PCDH11X: variants seen among roughly 807,000 people sequenced by gnomAD.
The protein encoded by PCDH11X is protocadherin 11 X-linked.
A neutral mutation model predicts 53.3 loss-of-function variants in PCDH11X; 18 were observed. The observed-to-expected ratio is 0.34, with a 90% CI of 0.23 to 0.50. The LOEUF is 0.50. PCDH11X is among the 20% of genes least tolerant of loss of function. The pLI is 0.98. For missense variants in PCDH11X, 570 were observed against 1,032.4 expected (o/e 0.55, Z 6.14); for synonymous variants, 279 against 393.3 (o/e 0.71, Z 3.44).
chrX:91,983,191 A>G (rs2062170657), intron 6 of PCDH11X: 1 of 846,768 alleles, frequency 1.2e-6, no homozygotes, highest in African/African-American at 2.0e-5. Context: ...CCCCAGTCTT[A>G]GGTAAGAAGG....
At position 91,811,243 on chromosome X, in the gene PCDH11X, G is replaced by T; in HGVS notation, c.-97G>T. 1 of 1,207,288 alleles carries T rather than the reference G, an allele frequency of 8.3e-7. No homozygotes were observed. Among genetic ancestry groups the T allele is most frequent in the Non-Finnish European group, 1.1e-6 (1 of 893,248 alleles). ...TTTATCCCCCACTCAACAGCTGATT[G>T]CAGAGCACTATGAGGACTGAACGAC... On this transcript the variant is annotated 5_prime_UTR_variant, in exon 4 of 11. Transcript: ENST00000682573.
Position 92,009,139 on chromosome X carries a change from T to C in PCDH11X, c.3033+129866T>C, listed in dbSNP as rs1417071026. Among the ~76,000 whole-genome samples the C allele has an allele frequency of 5.3e-5, 6 of 112,431 alleles. No homozygotes were observed. In the Admixed American group the frequency reaches 5.7e-4, roughly 11 times the overall value. On this transcript the variant is annotated intron_variant, in intron 6 of 10. Coordinates refer to ENST00000682573, the MANE Select transcript of PCDH11X (RefSeq NM_032968.5). ...TTTTAGTAACTATATTTGAAATATC[T>C]AAGTTTATTCCCATTATTAAGATTG...
intron 6 of PCDH11X, among the ~76,000 whole-genome samples, chrX:92,036,890 G>A (rs963809301): frequency 4.5e-5 from 5 of 110,825 alleles, no homozygotes; most frequent in Non-Finnish European, 9.4e-5. Context: ...CTCAGATGAA[G>A]ATGAGGAACT....
At chrX:92,302,322 G>A (rs946468811) in intron 8 of PCDH11X, among the ~76,000 whole-genome samples, 4 of 110,898 alleles carry the variant, frequency 3.6e-5, no homozygotes, top group African/African-American at 1.3e-4. Context: ...GAGAAAGGAA[G>A]GCACAGGTCT....
intron 10 of PCDH11X, among the ~76,000 whole-genome samples, chrX:92,574,626 T>G (rs936868819): frequency 9.0e-6 from 1 of 111,550 alleles, no homozygotes; most frequent in African/African-American, 3.3e-5. Flanking sequence ...TGAAATGCCC[T>G]TCAAGTATTT....
chrX:92,577,329 GC>G (rs1923103776), intron 10 of PCDH11X, among the ~76,000 whole-genome samples: 1 of 109,023 alleles, frequency 9.2e-6, no homozygotes, highest in Non-Finnish European at 1.9e-5. Context: ...TAGTTTATGT[GC>G]ATAGAGGTGT....
chrX:92,260,591 GT>G (rs770798896), intron 7 of PCDH11X, among the ~76,000 whole-genome samples: 4 of 106,807 alleles, frequency 3.7e-5, no homozygotes, highest in South Asian at 4.1e-4. Flanking sequence ...TCATGAAGGT[GT>G]TTTTTTTTTC....
In PCDH11X at chrX:92,519,033, A is replaced by T. The variant is rs545429380; in HGVS notation, c.3367+50711A>T. ...CAGCCTCCCAAAGGGCTGGAAAAAA[A>T]TTTTTTAAGTTCTGATTCTGCTGCT... On this transcript the variant is annotated intron_variant, in intron 10 of 10. Coordinates refer to ENST00000682573, the MANE Select transcript of PCDH11X (RefSeq NM_032968.5). Among the ~76,000 whole-genome samples, 32 of 110,174 alleles carry T rather than the reference A, an allele frequency of 2.9e-4. No homozygotes were observed. In the South Asian group the frequency reaches 0.01, roughly 36 times the overall value.
intron 10 of PCDH11X, among the ~76,000 whole-genome samples, chrX:92,494,881 ACT>A (rs1411385978): frequency 1.1e-5 from 1 of 91,597 alleles, no homozygotes; most frequent in Non-Finnish European, 2.2e-5. Flanking sequence ...ACTGTCGACG[ACT>A]CTGCGCTAGA....
chrX:91,913,203 G>T (rs771899740), intron 6 of PCDH11X, among the ~76,000 whole-genome samples: 1 of 111,170 alleles, frequency 9.0e-6, no homozygotes, highest in East Asian at 2.9e-4. Context: ...ATTTTATTGA[G>T]TCCAGTCTGG....
chrX:92,355,879 T>C (rs2070193336), intron 8 of PCDH11X, among the ~76,000 whole-genome samples: 1 of 109,952 alleles, frequency 9.1e-6, no homozygotes, highest in African/African-American at 3.3e-5. Context: ...ACTGTATAAA[T>C]ATATACTGTT....
chrX:91,874,908 T>C (rs1196096549), intron 5 of PCDH11X, among the ~76,000 whole-genome samples: 1 of 95,176 alleles, frequency 1.1e-5, no homozygotes, highest in Admixed American at 1.2e-4. Flanking sequence ...GACAAAACTA[T>C]AACCTCAGAT....
At chrX:92,012,589 C>T (rs2062711979) in intron 6 of PCDH11X, among the ~76,000 whole-genome samples, 1 of 111,644 alleles carries the variant, frequency 9.0e-6, no homozygotes, top group Non-Finnish European at 1.9e-5. Flanking sequence ...GATCTAAGTA[C>T]AATCAGTGTT....
chrX:92,111,462 C>T (rs986132071), intron 6 of PCDH11X, among the ~76,000 whole-genome samples: 5 of 106,862 alleles, frequency 4.7e-5, no homozygotes, highest in African/African-American at 1.7e-4. Flanking sequence ...AAATGTAATG[C>T]TACTCGAAGA....
intron 8 of PCDH11X, among the ~76,000 whole-genome samples, chrX:92,362,942 T>A (rs2573812): frequency 0.41 from 41,299 of 101,921 alleles, 7,116 homozygotes; most frequent in Non-Finnish European, 0.5. Flanking sequence ...CATTTGAGCC[T>A]TTGTTTTTAG....
chrX:92,589,082 A>G (rs1402951441), intron 10 of PCDH11X, among the ~76,000 whole-genome samples: 1 of 111,901 alleles, frequency 8.9e-6, no homozygotes, highest in Non-Finnish European at 1.9e-5. Context: ...CTTCTACCCT[A>G]GAATAGTATG....
intron 6 of PCDH11X, among the ~76,000 whole-genome samples, chrX:91,909,554 G>A (rs760716534): frequency 4.2e-4 from 46 of 109,542 alleles, no homozygotes; most frequent in African/African-American, 1.4e-3. Flanking sequence ...AACAAAAGAA[G>A]GTGTAGGCAT....
At chrX:92,162,322 G>A (rs1227914362) in intron 6 of PCDH11X, among the ~76,000 whole-genome samples, 1 of 108,909 alleles carries the variant, frequency 9.2e-6, no homozygotes, top group Non-Finnish European at 1.9e-5. Flanking sequence ...TTCCTGAGTA[G>A]CTGGGATTAC....
chrX:91,892,704 A>ATT (rs35310035), intron 6 of PCDH11X, among the ~76,000 whole-genome samples: 124 of 100,391 alleles, frequency 1.2e-3, no homozygotes, highest in East Asian at 5.3e-3. Flanking sequence ...ACAAGAACAC[A>ATT]TTTTTTTTTT....
Sources: allele counts gnomAD v4.1 joint callset (sites outside exome capture counted in the v4.1 genomes callset), GRCh38; gene constraint gnomAD v4.1.1; transcripts MANE v1.5; gene names NCBI Gene and HGNC (gene_info 2026-07-23, HGNC 2026-07-21).